The following WDFY2 variants were observed in gnomAD, a reference collection of about 807,000 sequenced individuals.
WDFY2 encodes WD repeat and FYVE domain-containing protein 2.
WDFY2 carries 36 observed loss-of-function variants against 56.4 expected under a neutral mutation model. The observed-to-expected ratio is 0.64, with a 90% confidence interval of 0.49 to 0.84. The LOEUF is 0.84. Ranked by LOEUF, WDFY2 falls within the 40% of genes least tolerant of loss-of-function variation. WDFY2 has a pLI of 0.00. For synonymous variants in WDFY2, 176 were observed against 183.7 expected, an observed-to-expected ratio of 0.96 and a Z score of 0.34; for missense variants, 444 against 512.2, an observed-to-expected ratio of 0.87 and a Z score of 1.29.
chr13:51,659,153 C>T (rs1223661687), intron 1 of WDFY2, among the ~76,000 whole-genome samples: 1 of 152,118 alleles, frequency 6.6e-6, no homozygotes, highest in African/African-American at 2.4e-5. Flanking sequence ...TTTCGAACTC[C>T]TGACCTCAGG....
At chr13:51,660,536 C>A in intron 1 of WDFY2, 60 bp from the exon 2 acceptor site, 1 of 1,521,316 alleles carries the variant, frequency 6.6e-7, no homozygotes, top group Non-Finnish European at 9.1e-7. Flanking sequence ...TTCTATGTAT[C>A]AGCATTTTCC....
At chr13:51,661,395 T>C (rs1955610397) in intron 2 of WDFY2, among the ~76,000 whole-genome samples, 1 of 152,214 alleles carries the variant, frequency 6.6e-6, no homozygotes, top group Non-Finnish European at 1.5e-5. Context: ...TTATTACTTG[T>C]ATTAAACATT....
intron 1 of WDFY2, chr13:51,592,652 G>C (rs1001739596): frequency 1.3e-5 from 2 of 151,930 alleles, no homozygotes; most frequent in African/African-American, 4.8e-5. Flanking sequence ...ACCTCTCTGT[G>C]TGACTATGCT....
intron 6 of WDFY2, among the ~76,000 whole-genome samples, chr13:51,730,468 C>T (rs980235452): frequency 1.3e-5 from 2 of 152,188 alleles, no homozygotes; most frequent in African/African-American, 2.4e-5. Context: ...CTTCTCTTTA[C>T]GCTCTGTGCT....
chr13:51,638,434 C>T (rs551151327), intron 1 of WDFY2, among the ~76,000 whole-genome samples: 4 of 152,148 alleles, frequency 2.6e-5, no homozygotes, highest in South Asian at 2.1e-4. Context: ...TTATTCTCTG[C>T]GTTTAAATTT....
At chr13:51,759,689 T>TA (rs763794738) in intron 11 of WDFY2, 51 bp from the exon 12 acceptor site, 2 of 1,598,858 alleles carry the variant, frequency 1.3e-6, no homozygotes, top group South Asian at 2.2e-5. Context: ...TAAGGACTGT[T>TA]ATCCTCAACA....
intron 4 of WDFY2, among the ~76,000 whole-genome samples, chr13:51,709,504 T>A (rs561776503): frequency 6.6e-6 from 1 of 152,054 alleles, no homozygotes. Context: ...ATTGATCTTT[T>A]TTGAAAAGAT....
At chr13:51,699,155 G>A (rs778755960) in intron 3 of WDFY2, among the ~76,000 whole-genome samples, 2 of 152,204 alleles carry the variant, frequency 1.3e-5, no homozygotes, top group Non-Finnish European at 2.9e-5. Flanking sequence ...CCACAGATCT[G>A]ACTTCCCCAG....
intron 1 of WDFY2, among the ~76,000 whole-genome samples, chr13:51,639,410 C>T (rs1180689906): frequency 6.6e-6 from 1 of 152,076 alleles, no homozygotes; most frequent in Non-Finnish European, 1.5e-5. Context: ...CTTTTTTCAG[C>T]CATTTATTCA....
At chr13:51,657,298 A>G (rs1205365912) in intron 1 of WDFY2, among the ~76,000 whole-genome samples, 1 of 152,154 alleles carries the variant, frequency 6.6e-6, no homozygotes, top group African/African-American at 2.4e-5. Context: ...TAGGAAACAG[A>G]AAGAGGAGTT....
At chr13:51,635,184 T>C (rs1490640468) in intron 1 of WDFY2, among the ~76,000 whole-genome samples, 1 of 152,136 alleles carries the variant, frequency 6.6e-6, no homozygotes, top group African/African-American at 2.4e-5. Context: ...CCTTCAGTGA[T>C]CTGCCCATCT....
At chr13:51,605,216 C>A (rs1954362634) in intron 1 of WDFY2, among the ~76,000 whole-genome samples, 1 of 152,148 alleles carries the variant, frequency 6.6e-6, no homozygotes, top group Non-Finnish European at 1.5e-5. Flanking sequence ...GATCATTGTC[C>A]ACATATGGAC....
intron 7 of WDFY2, among the ~76,000 whole-genome samples, chr13:51,740,621 G>GGA (rs1338686405): frequency 6.6e-6 from 1 of 151,698 alleles, no homozygotes; most frequent in East Asian, 1.9e-4. Flanking sequence ...GGCTGAGGCA[G>GGA]GACAATCACT....
intron 1 of WDFY2, among the ~76,000 whole-genome samples, chr13:51,631,866 C>T (rs190127573): frequency 1.5e-3 from 234 of 152,276 alleles, no homozygotes; most frequent in Middle Eastern, 0.01. Context: ...TTGCTCACTG[C>T]TGTTTCTCTT....
intron 3 of WDFY2, among the ~76,000 whole-genome samples, chr13:51,697,817 C>G (rs1476720578): frequency 6.6e-6 from 1 of 152,136 alleles, no homozygotes; most frequent in Non-Finnish European, 1.5e-5. Context: ...ATCAGTAGTA[C>G]TACTATTCCA....
chr13:51,742,701 C>G lies in WDFY2; in HGVS notation c.725+3526C>G, dbSNP rs766066603. Among the ~76,000 whole-genome samples, 6 of 152,236 alleles carry G rather than the reference C, an allele frequency of 3.9e-5. 1 individual carries two copies. The South Asian group carries it at 8.3e-4, about 21-fold the overall frequency. On this transcript the variant is annotated intron_variant, in intron 7 of 11. Transcript: ENST00000298125. ...AAGACTTGATGGTAATTTAATATAACCTGACTTAAAGCACCAGTAAAGATC... is the reference window on the plus strand; with the variant it reads ...AAGACTTGATGGTAATTTAATATAAGCTGACTTAAAGCACCAGTAAAGATC...
intron 1 of WDFY2, among the ~76,000 whole-genome samples, chr13:51,615,521 C>T (rs1954594549): frequency 6.6e-6 from 1 of 152,172 alleles, no homozygotes; most frequent in Non-Finnish European, 1.5e-5. Flanking sequence ...GTGAAATATA[C>T]ACACCCTTTG....
chr13:51,726,594 A>G (rs1221736341), intron 5 of WDFY2, among the ~76,000 whole-genome samples: 1 of 152,200 alleles, frequency 6.6e-6, no homozygotes, highest in Non-Finnish European at 1.5e-5. Flanking sequence ...GAAAGCAGGT[A>G]TTCAGTGTAA....
At chr13:51,586,016 C>A (rs1182059272) in intron 1 of WDFY2, 1 of 398,384 alleles carries the variant, frequency 2.5e-6, no homozygotes, top group African/African-American at 2.1e-5. Context: ...TGATTAATTT[C>A]CTGTGCAGAT....
Sources: allele counts gnomAD v4.1 joint callset (sites outside exome capture counted in the v4.1 genomes callset), GRCh38; gene constraint gnomAD v4.1.1; transcripts MANE v1.5; gene names NCBI Gene and HGNC (gene_info 2026-07-23, HGNC 2026-07-21).